MAF: variants seen among roughly 807,000 people sequenced by gnomAD.
The protein encoded by MAF is MAF bZIP transcription factor, also known as transcription factor Maf.
Under a neutral mutation model 22.0 loss-of-function variants are expected in MAF, and 10 were observed. The observed-to-expected ratio is 0.45, with a 90% CI of 0.28 to 0.77. The LOEUF (loss-of-function observed/expected upper bound fraction) is 0.77. Ranked by LOEUF, MAF falls within the 30% of genes least tolerant of loss-of-function variation. The pLI, the probability that MAF is intolerant of heterozygous loss-of-function variation, is 0.12. For synonymous variants in MAF, 337 were observed against 255.8 expected (o/e 1.32, Z -3.03); for missense variants, 544 against 548.4 (o/e 0.99, Z 0.08).
At chr16:79,576,764 G>A in the MAF span, among the ~76,000 whole-genome samples, 2 of 152,228 alleles carry the variant, frequency 1.3e-5, no homozygotes, top group Admixed American at 6.5e-5. Flanking sequence ...TTTACCCTGT[G>A]CCAGGTGCTT....
the MAF span, chr16:79,205,760 T>A: frequency 2.0e-5 from 3 of 152,188 alleles, no homozygotes; most frequent in African/African-American, 7.2e-5. Flanking sequence ...GGGAGTCAGT[T>A]GTCAGGAATT....
chr16:79,533,322 A>T, the MAF span, among the ~76,000 whole-genome samples: 1 of 152,180 alleles, frequency 6.6e-6, no homozygotes, highest in Non-Finnish European at 1.5e-5. Context: ...CAGTCAGAAG[A>T]GGTTTCCACC....
chr16:79,289,236 G>T, the MAF span, among the ~76,000 whole-genome samples: 1 of 152,166 alleles, frequency 6.6e-6, no homozygotes, highest in African/African-American at 2.4e-5. Context: ...TGCTCTGGCA[G>T]CAGAGTGGCG....
chr16:79,491,801 T>A, the MAF span, among the ~76,000 whole-genome samples: 1 of 152,254 alleles, frequency 6.6e-6, no homozygotes, highest in African/African-American at 2.4e-5. Flanking sequence ...GCTAGACAGA[T>A]AGGAAGTAGG....
chr16:79,225,940 A>G, the MAF span, among the ~76,000 whole-genome samples: 3 of 152,212 alleles, frequency 2.0e-5, no homozygotes, highest in Non-Finnish European at 2.9e-5. Context: ...GAGAGTGTAA[A>G]TTAGTTCAAC....
At chr16:79,559,299 T>C in the MAF span, among the ~76,000 whole-genome samples, 13 of 152,176 alleles carry the variant, frequency 8.5e-5, no homozygotes, top group Non-Finnish European at 1.8e-4. Flanking sequence ...ACCACTTGAA[T>C]CAGCCCGATC....
At chr16:79,438,315 G>A in the MAF span, among the ~76,000 whole-genome samples, 4 of 152,150 alleles carry the variant, frequency 2.6e-5, 1 homozygote, top group Admixed American at 2.0e-4. Context: ...AGAGGCACCC[G>A]TTTGGAGGTA....
At chr16:79,289,059 A>C in the MAF span, among the ~76,000 whole-genome samples, 1 of 152,238 alleles carries the variant, frequency 6.6e-6, no homozygotes, top group East Asian at 1.9e-4. Context: ...ACAGAGAAGC[A>C]AAGATACCTG....
the MAF span, among the ~76,000 whole-genome samples, chr16:79,314,391 G>T: frequency 6.6e-6 from 1 of 152,136 alleles, no homozygotes; most frequent in Non-Finnish European, 1.5e-5. Flanking sequence ...CGCTCCCAGG[G>T]TATAACATTT....
the MAF span, among the ~76,000 whole-genome samples, chr16:79,220,563 C>G: frequency 6.6e-6 from 1 of 152,084 alleles, no homozygotes; most frequent in Admixed American, 6.6e-5. Context: ...GTTACTTAAT[C>G]ATTTTTTTAT....
At chr16:79,449,412 T>C in the MAF span, among the ~76,000 whole-genome samples, 1 of 152,210 alleles carries the variant, frequency 6.6e-6, no homozygotes, top group African/African-American at 2.4e-5. Context: ...ATTTGCTTTA[T>C]TGTGGTGGTC....
chr16:79,403,582 C>T, the MAF span, among the ~76,000 whole-genome samples: 151 of 152,236 alleles, frequency 9.9e-4, 1 homozygote, highest in Admixed American at 9.1e-3. Context: ...AGGTTTCAGC[C>T]CACATTCAAG....
chr16:79,508,058 G>T, the MAF span, among the ~76,000 whole-genome samples: 21 of 152,102 alleles, frequency 1.4e-4, no homozygotes, highest in African/African-American at 5.1e-4. Context: ...ATTTGCAGCA[G>T]GAAAAAGGGA....
At chr16:79,456,763 C>G in the MAF span, among the ~76,000 whole-genome samples, 8 of 152,126 alleles carry the variant, frequency 5.3e-5, no homozygotes, top group African/African-American at 1.7e-4. Context: ...TCAAGTTCTG[C>G]CTCTCAGTGA....
chr16:79,207,254 C>G, the MAF span, among the ~76,000 whole-genome samples: 1 of 152,226 alleles, frequency 6.6e-6, no homozygotes, highest in Non-Finnish European at 1.5e-5. Flanking sequence ...GCTGGCTTTG[C>G]ATTTGAGAAG....
At chr16:79,316,572 C>G in the MAF span, among the ~76,000 whole-genome samples, 1 of 152,108 alleles carries the variant, frequency 6.6e-6, no homozygotes, top group Non-Finnish European at 1.5e-5. Context: ...GCAATTAACC[C>G]AAAGATCACT....
the MAF span, among the ~76,000 whole-genome samples, chr16:79,246,793 G>A: frequency 6.6e-6 from 1 of 152,064 alleles, no homozygotes; most frequent in Non-Finnish European, 1.5e-5. Flanking sequence ...CAAGAGTGAG[G>A]TCACTCCAGT....
the MAF span, among the ~76,000 whole-genome samples, chr16:79,240,612 C>T: frequency 2.7e-5 from 4 of 147,846 alleles, no homozygotes; most frequent in African/African-American, 5.0e-5. Context: ...TGGCTGTGGG[C>T]GCAGCTTCAG....
At chr16:79,555,872 G>A in the MAF span, among the ~76,000 whole-genome samples, 1 of 152,162 alleles carries the variant, frequency 6.6e-6, no homozygotes, top group Admixed American at 6.5e-5. Context: ...ATTTGGGATA[G>A]GGATATAAAC....
Sources: gnomAD v4.1 joint callset for allele counts (sites outside exome capture counted in the v4.1 genomes callset) on GRCh38, gnomAD v4.1.1 for gene constraint, MANE v1.5 for transcripts, NCBI Gene and HGNC (gene_info 2026-07-23, HGNC 2026-07-21) for gene names.